The following SMYD3 variants were observed in gnomAD, a reference collection of about 807,000 sequenced individuals.
SMYD3 encodes histone-lysine N-methyltransferase SMYD3.
SMYD3 carries 36 observed loss-of-function variants against 57.7 expected under a neutral mutation model. The observed-to-expected ratio is 0.62, with a 90% CI of 0.48 to 0.82. The LOEUF is 0.82. Among genes scored for constraint, SMYD3 ranks in the 40% least tolerant of loss-of-function variants. The pLI is 0.00. For synonymous variants in SMYD3, 211 were observed against 195.0 expected, an observed-to-expected ratio of 1.08 and a Z score of -0.68; for missense variants, 515 against 538.8, an observed-to-expected ratio of 0.96 and a Z score of 0.44.
intron 8 of SMYD3, among the ~76,000 whole-genome samples, chr1:245,866,004 G>A (rs1395789941): frequency 6.6e-6 from 1 of 152,218 alleles, no homozygotes; most frequent in Non-Finnish European, 1.5e-5. Context: ...GATGACATAA[G>A]GGTGAGGAAC....
At chr1:246,163,367 C>T (rs1257282055) in intron 5 of SMYD3, among the ~76,000 whole-genome samples, 1 of 152,220 alleles carries the variant, frequency 6.6e-6, no homozygotes. Flanking sequence ...GCTAAGCATT[C>T]ATGAAATAGC....
Position 246,396,982 on chromosome 1 carries a change from A to G in SMYD3, c.165-41888T>C, listed in dbSNP as rs1273477332. Among the ~76,000 whole-genome samples the G allele has an allele frequency of 2.0e-5, 3 of 152,234 alleles. No individual in the cohort carries two copies. The East Asian group carries it at 5.8e-4, about 29-fold the overall frequency. ...ATTTATTTACCAAGCATGGCTGAAG[A>G]TACTAAAGGAGTGTGTCACTGTGAT... On this transcript the variant is annotated intron_variant, in intron 1 of 11. Coordinates refer to ENST00000490107, the MANE Select transcript of SMYD3 (RefSeq NM_001167740.2).
At chr1:245,874,975 A>G (rs776243062) in intron 8 of SMYD3, among the ~76,000 whole-genome samples, 4 of 152,198 alleles carry the variant, frequency 2.6e-5, no homozygotes, top group Middle Eastern at 3.2e-3. Flanking sequence ...CCTCGTATCC[A>G]TGAGACAGAC....
intron 10 of SMYD3, among the ~76,000 whole-genome samples, chr1:245,824,845 A>G (rs2049383934): frequency 7.0e-6 from 1 of 143,168 alleles, no homozygotes; most frequent in Non-Finnish European, 1.5e-5. Flanking sequence ...AACAAGAACG[A>G]AACTCCGTCT....
intron 5 of SMYD3, among the ~76,000 whole-genome samples, chr1:246,036,691 C>G (rs1256262899): frequency 6.7e-6 from 1 of 148,414 alleles, no homozygotes; most frequent in Non-Finnish European, 1.5e-5. Flanking sequence ...GTAGCTGGGA[C>G]TACAGGCGCC....
At chr1:246,394,959 G>C (rs2066635248) in intron 1 of SMYD3, among the ~76,000 whole-genome samples, 1 of 148,634 alleles carries the variant, frequency 6.7e-6, no homozygotes, top group Admixed American at 6.7e-5. Context: ...TATATGAAAG[G>C]CTCCCGAACT....
intron 5 of SMYD3, among the ~76,000 whole-genome samples, chr1:246,007,924 T>C (rs1437512232): frequency 6.6e-6 from 1 of 152,154 alleles, no homozygotes; most frequent in Non-Finnish European, 1.5e-5. Flanking sequence ...ACTGAAATAT[T>C]TAAAAATGAC....
At chr1:245,882,161 T>C (rs1293412378) in intron 8 of SMYD3, among the ~76,000 whole-genome samples, 1 of 152,182 alleles carries the variant, frequency 6.6e-6, no homozygotes, top group Non-Finnish European at 1.5e-5. Flanking sequence ...AGAAGGGTGC[T>C]GAAGAAACAC....
intron 5 of SMYD3, among the ~76,000 whole-genome samples, chr1:245,945,239 G>T (rs2057393021): frequency 6.6e-6 from 1 of 151,986 alleles, no homozygotes; most frequent in Admixed American, 6.6e-5. Context: ...ATCTAACAAT[G>T]GTCTAATGTC....
At chr1:245,970,601 A>G (rs1245469356) in intron 5 of SMYD3, among the ~76,000 whole-genome samples, 3 of 152,182 alleles carry the variant, frequency 2.0e-5, no homozygotes, top group Non-Finnish European at 4.4e-5. Context: ...AGGAACTTAA[A>G]TTTACAAGAA....
intron 10 of SMYD3, among the ~76,000 whole-genome samples, chr1:245,821,847 A>C (rs1572436354): frequency 1.3e-5 from 2 of 151,200 alleles, no homozygotes; most frequent in East Asian, 3.9e-4. Flanking sequence ...CCACAATGAG[A>C]TACCATCTCA....
chr1:246,424,844 T>C (rs1028762018), intron 1 of SMYD3, among the ~76,000 whole-genome samples: 2 of 152,250 alleles, frequency 1.3e-5, no homozygotes, highest in African/African-American at 2.4e-5. Flanking sequence ...ATTATGTTTA[T>C]CTTATATATG....
chr1:245,751,196 G>A (rs1039364372), intron 11 of SMYD3, among the ~76,000 whole-genome samples: 7 of 152,186 alleles, frequency 4.6e-5, no homozygotes, highest in African/African-American at 1.7e-4. Context: ...AGGATATGAT[G>A]CAGACCTTCC....
intron 5 of SMYD3, among the ~76,000 whole-genome samples, chr1:246,006,387 A>T (rs1212978317): frequency 6.6e-6 from 1 of 151,920 alleles, no homozygotes; most frequent in Non-Finnish European, 1.5e-5. Flanking sequence ...TCCAGGCTGG[A>T]CCCACGTAGG....
At chr1:245,863,157 A>G (rs9729292) in intron 9 of SMYD3, among the ~76,000 whole-genome samples, 84,055 of 151,472 alleles carry the variant, frequency 0.55, 26,447 homozygotes, top group Non-Finnish European at 0.73. Context: ...TCACAGCTTC[A>G]CTCCAATGAA....
At chr1:245,763,951 C>T (rs1045949469) in intron 11 of SMYD3, 90 bp downstream of exon 11, 15 of 969,094 alleles carry the variant, frequency 1.5e-5, no homozygotes, top group Middle Eastern at 2.1e-4. Context: ...TGCACACATA[C>T]ATAGAGCTGC....
intron 5 of SMYD3, chr1:245,955,889 T>G: frequency 1.0e-6 from 1 of 960,402 alleles, no homozygotes; most frequent in Non-Finnish European, 1.2e-6. Context: ...TTTTTTTTTT[T>G]TGGCTCAACA....
chr1:246,383,734 G>A (rs2066426400), intron 1 of SMYD3, among the ~76,000 whole-genome samples: 1 of 152,122 alleles, frequency 6.6e-6, no homozygotes. Context: ...GGCCGAGGTG[G>A]GTTGATCACT....
intron 5 of SMYD3, among the ~76,000 whole-genome samples, chr1:245,972,101 T>C (rs1457263091): frequency 6.6e-6 from 1 of 152,222 alleles, no homozygotes; most frequent in Non-Finnish European, 1.5e-5. Context: ...CAACAGACCA[T>C]GCCCTAGGAT....
Sources: allele counts gnomAD v4.1 joint callset (sites outside exome capture counted in the v4.1 genomes callset), GRCh38; gene constraint gnomAD v4.1.1; transcripts MANE v1.5; gene names NCBI Gene and HGNC (gene_info 2026-07-23, HGNC 2026-07-21).